FAM135A: variants seen among roughly 807,000 people sequenced by gnomAD.
FAM135A encodes the protein family with sequence similarity 135 member A.
A neutral mutation model predicts 146.8 loss-of-function variants in FAM135A; 79 were observed. That is an observed-to-expected ratio of 0.54 (90% CI 0.45 to 0.65). The LOEUF (loss-of-function observed/expected upper bound fraction) is 0.65, where lower values mean the gene tolerates loss of function less well. Among genes scored for constraint, FAM135A ranks in the 30% least tolerant of loss-of-function variants. FAM135A has a pLI of 0.00. For synonymous variants in FAM135A, 562 were observed against 603.6 expected (o/e 0.93, Z 1.01); for missense variants, 1,623 against 1,758.2 (o/e 0.92, Z 1.38).
At chr6:70,483,718 T>C (rs1256420793) in intron 10 of FAM135A, among the ~76,000 whole-genome samples, 1 of 152,184 alleles carries the variant, frequency 6.6e-6, no homozygotes, top group African/African-American at 2.4e-5. Flanking sequence ...AACATATTAA[T>C]GAAGGACAGT....
At position 70,457,902 on chromosome 6, in the gene FAM135A, A is replaced by G. The variant is rs1309970038; in HGVS notation, c.157+5331A>G. ...TTTTTCTTAGTTATGTCTAGATTTA[A>G]TCATTGCTGCTGCCAACTAAGTTTC... On this transcript the variant is annotated intron_variant, in intron 5 of 21. Transcript: ENST00000418814. 2.0e-5 allele frequency among the ~76,000 whole-genome samples: 3 copies of G among 152,074 alleles called. 1 individual carries two copies. Among genetic ancestry groups the G allele is most frequent in the African/African-American group, 7.2e-5 (3 of 41,430 alleles).
At position 70,550,611 on chromosome 6, in the gene FAM135A, T is replaced by C. The variant is rs149869907; in HGVS notation, c.4229-6139T>C. 1.9e-4 allele frequency among the ~76,000 whole-genome samples: 29 copies of C among 152,318 alleles called. No individual in the cohort carries two copies. The East Asian group carries it at 5.2e-3, about 27-fold the overall frequency. ...AACAGATGTGCTGTAATCCAGGCTT[T>C]GTTGTTCCATTAATAGAGCACAGAG... On this transcript the variant is annotated intron_variant, in intron 20 of 21. Transcript: ENST00000418814.
intron 12 of FAM135A, among the ~76,000 whole-genome samples, chr6:70,507,135 C>G (rs960799771): frequency 6.6e-6 from 1 of 151,962 alleles, no homozygotes; most frequent in African/African-American, 2.4e-5. Context: ...CAAGATAGGG[C>G]CTATTTTAAT....
chr6:70,518,318 A>G (rs1729609175), intron 12 of FAM135A, among the ~76,000 whole-genome samples: 1 of 152,212 alleles, frequency 6.6e-6, no homozygotes, highest in Non-Finnish European at 1.5e-5. Context: ...TAAGGAAGCT[A>G]CAGAAGAAAA....
intron 2 of FAM135A, among the ~76,000 whole-genome samples, chr6:70,417,284 C>T (rs1181201706): frequency 6.7e-5 from 10 of 149,374 alleles, no homozygotes; most frequent in African/African-American, 1.2e-4. Flanking sequence ...TGACAGAGTC[C>T]CACTGTATTG....
intron 21 of FAM135A, among the ~76,000 whole-genome samples, chr6:70,558,042 TAGTG>T (rs1320276145): frequency 6.6e-6 from 1 of 152,220 alleles, no homozygotes; most frequent in African/African-American, 2.4e-5. Flanking sequence ...CTTATTTTAA[TAGTG>T]AGGTTCTGTG....
At chr6:70,460,864 T>A in intron 5 of FAM135A, among the ~76,000 whole-genome samples, 1 of 150,754 alleles carries the variant, frequency 6.6e-6, no homozygotes, top group Admixed American at 6.6e-5. Flanking sequence ...TTTTTTTTTT[T>A]AAGTAGACTC....
rs371489392 is a variant in FAM135A, at chr6:70,490,199, A to C, written c.824-835A>C. Among the ~76,000 whole-genome samples, 6 of 152,280 alleles carry C rather than the reference A, an allele frequency of 3.9e-5. No individual in the cohort carries two copies. In the South Asian group the frequency reaches 1.2e-3, roughly 32 times the overall value. ...GCCTTTGTGTGAGAAAGATCAATTAAACTCTTTCACAACAAGATTATGGGA... is the reference window on the plus strand; with the variant it reads ...GCCTTTGTGTGAGAAAGATCAATTACACTCTTTCACAACAAGATTATGGGA... On this transcript the variant is annotated intron_variant, in intron 10 of 21. Coordinates refer to ENST00000418814, the MANE Select transcript of FAM135A (RefSeq NM_001162529.3).
chr6:70,526,748 TATACACACACACACACATACACACAC>T lies in FAM135A; in HGVS notation c.3614+52_3614+77del, dbSNP rs749236590. ...CTGCTGCTAAATATATACATATATA[TATACACACACACACACATACACACAC>T]ACACACACACACACACACACACACA... On this transcript the variant is annotated intron_variant, in intron 15 of 21. Coordinates refer to ENST00000418814, the MANE Select transcript of FAM135A (RefSeq NM_001162529.3). The T allele has an allele frequency of 1.5e-3, 1,682 of 1,093,162 alleles. 81 individuals carry two copies. The highest frequency in any genetic ancestry group is 4.0e-3 in the South Asian group (260 of 64,842). 67.7% of individuals were successfully genotyped at this position (1,093,162 alleles called of 1,614,324 possible). A position where few individuals can be genotyped will look rare whatever the true frequency, so the allele number is the denominator to read the frequency against.
At chr6:70,472,244 G>A (rs539212140) in intron 5 of FAM135A, among the ~76,000 whole-genome samples, 4 of 152,262 alleles carry the variant, frequency 2.6e-5, no homozygotes, top group African/African-American at 4.8e-5. Context: ...CTCACCTCAC[G>A]TTACCTGGGT....
At chr6:70,426,390 T>C (rs987636695) in intron 2 of FAM135A, 49 bp from the exon 3 acceptor site, 2 of 152,214 alleles carry the variant, frequency 1.3e-5, no homozygotes, top group Non-Finnish European at 2.9e-5. Flanking sequence ...TAAGACAGAC[T>C]TTTTTATGTC....
chr6:70,534,577 G>A (rs1429853851), intron 18 of FAM135A, among the ~76,000 whole-genome samples: 1 of 152,026 alleles, frequency 6.6e-6, no homozygotes, highest in Non-Finnish European at 1.5e-5. Flanking sequence ...CTCCCAAAGT[G>A]CTGGGATTAC....
At chr6:70,555,780 A>AT (rs928594161) in intron 20 of FAM135A, among the ~76,000 whole-genome samples, 1 of 152,130 alleles carries the variant, frequency 6.6e-6, no homozygotes, top group African/African-American at 2.4e-5. Context: ...TTTTAAATAT[A>AT]TGTTCAATTA....
In FAM135A at chr6:70,528,442, C is replaced by T. The variant is rs763673469; in HGVS notation, c.3765C>T (p.His1255=). 17 of 1,603,856 alleles carry T rather than the reference C, an allele frequency of 1.1e-5. No individual in the cohort carries two copies. Among genetic ancestry groups the T allele is most frequent in the East Asian group, 4.5e-5 (2 of 44,732 alleles). Residue 1255 remains histidine, a synonymous_variant, in exon 16 of 22, where the codon CAC becomes CAT. Coordinates refer to ENST00000418814, the MANE Select transcript of FAM135A (RefSeq NM_001162529.3). ...EDGVHLIVCV[H]GLDGNSADLR... ...GAGTACATCTGATTGTCTGTGTGCA[C>T]GGTTTAGATGGTATGTGACATCTAT...
intron 5 of FAM135A, among the ~76,000 whole-genome samples, chr6:70,474,530 T>C (rs1782242054): frequency 6.6e-6 from 1 of 152,176 alleles, no homozygotes; most frequent in South Asian, 2.1e-4. Context: ...GATAATTCAG[T>C]AGAACAACTC....
At chr6:70,473,304 G>A (rs1055451197) in intron 5 of FAM135A, among the ~76,000 whole-genome samples, 1 of 152,252 alleles carries the variant, frequency 6.6e-6, no homozygotes, top group African/African-American at 2.4e-5. Flanking sequence ...CCTTTTAGTG[G>A]AGGATAGTAC....
intron 15 of FAM135A, among the ~76,000 whole-genome samples, chr6:70,527,132 A>G (rs1226438827): frequency 2.0e-5 from 3 of 152,082 alleles, no homozygotes; most frequent in Non-Finnish European, 4.4e-5. Context: ...CTAGGAAATA[A>G]GGATAATATT....
rs1246980159 is a variant in FAM135A at position 70,526,756 on chromosome 6, CACACACACAT to C, written c.3614+68_3614+77del. 1,060 of 823,030 alleles carry C rather than the reference CACACACACAT, an allele frequency of 1.3e-3. 7 individuals carry two copies. In the African/African-American group the frequency reaches 0.016, roughly 13 times the overall value. The allele number at this position is 823,030 out of a possible 1,614,324, so 51.0% of individuals were successfully genotyped here. A position where few individuals can be genotyped will look rare whatever the true frequency, so the allele number is the denominator to read the frequency against. On this transcript the variant is annotated intron_variant, in intron 15 of 21. Coordinates refer to ENST00000418814, the MANE Select transcript of FAM135A (RefSeq NM_001162529.3). ...AAATATATACATATATATATACACA[CACACACACAT>C]ACACACACACACACACACACACACA...
intron 5 of FAM135A, among the ~76,000 whole-genome samples, chr6:70,458,896 A>T (rs1359888660): frequency 6.6e-6 from 1 of 152,172 alleles, no homozygotes; most frequent in African/African-American, 2.4e-5. Context: ...ATTTTTCAGT[A>T]GTACTAACGA....
Sources: gnomAD v4.1 joint callset for allele counts (sites outside exome capture counted in the v4.1 genomes callset) on GRCh38, gnomAD v4.1.1 for gene constraint, MANE v1.5 for transcripts, NCBI Gene and HGNC (gene_info 2026-07-23, HGNC 2026-07-21) for gene names.